Variants in MOB3B observed in about 807,000 individuals in gnomAD.
The protein encoded by MOB3B is MOB kinase activator-like 2B.
A neutral mutation model predicts 18.7 loss-of-function variants in MOB3B; 7 were observed. The observed-to-expected ratio is 0.37, with a 90% confidence interval of 0.21 to 0.70. The LOEUF is 0.70. MOB3B is among the 30% of genes least tolerant of loss of function. The probability of loss-of-function intolerance (pLI) is 0.52; values close to 1 mark genes in which losing one functional copy is unlikely to be tolerated. For missense variants in MOB3B, 253 were observed against 281.3 expected (o/e 0.90, Z 0.72); for synonymous variants, 111 against 99.9 (o/e 1.11, Z -0.66).
At chr9:27,368,553 T>A (rs1214474360) in intron 2 of MOB3B, among the ~76,000 whole-genome samples, 1 of 152,216 alleles carries the variant, frequency 6.6e-6, no homozygotes, top group African/African-American at 2.4e-5. Context: ...AGCAGGACTT[T>A]GTTCCTCTGC....
chr9:27,372,215 A>AGGG (rs1491485843), intron 2 of MOB3B, among the ~76,000 whole-genome samples: 1 of 152,188 alleles, frequency 6.6e-6, no homozygotes, highest in Non-Finnish European at 1.5e-5. Flanking sequence ...ACACAATGAC[A>AGGG]GGGGCGTAGG....
intron 1 of MOB3B, among the ~76,000 whole-genome samples, chr9:27,527,948 C>G (rs545402875): frequency 1.3e-5 from 2 of 152,204 alleles, no homozygotes; most frequent in African/African-American, 4.8e-5. Context: ...ACAAGCGCAC[C>G]CACAGGGGAA....
intron 1 of MOB3B, among the ~76,000 whole-genome samples, chr9:27,481,526 T>G (rs1173627040): frequency 4.8e-5 from 7 of 146,198 alleles, no homozygotes; most frequent in Non-Finnish European, 7.6e-5. Context: ...TTTTGTTTTT[T>G]TTTTTTTTTG....
At chr9:27,528,579 G>T (rs1339577115) in intron 1 of MOB3B, among the ~76,000 whole-genome samples, 1 of 152,268 alleles carries the variant, frequency 6.6e-6, no homozygotes, top group Non-Finnish European at 1.5e-5. Context: ...TCCCAGCTGG[G>T]ATCCCCTGCC....
intron 3 of MOB3B, among the ~76,000 whole-genome samples, chr9:27,351,185 G>A (rs1393175350): frequency 6.6e-6 from 1 of 152,096 alleles, no homozygotes; most frequent in African/African-American, 2.4e-5. Context: ...TTACAGGCGT[G>A]AGCCACCACG....
intron 1 of MOB3B, among the ~76,000 whole-genome samples, chr9:27,526,841 G>A (rs957510305): frequency 3.3e-5 from 5 of 152,128 alleles, no homozygotes; most frequent in African/African-American, 7.2e-5. Context: ...CAGTATGACA[G>A]AAAAGAAAAA....
intron 1 of MOB3B, among the ~76,000 whole-genome samples, chr9:27,478,534 C>A: frequency 6.6e-6 from 1 of 151,416 alleles, no homozygotes; most frequent in African/African-American, 2.4e-5. Context: ...ATATTAGATA[C>A]AGCTGAAAAG....
chr9:27,464,189 T>C (rs1819339845), intron 1 of MOB3B, among the ~76,000 whole-genome samples: 1 of 151,962 alleles, frequency 6.6e-6, no homozygotes, highest in South Asian at 2.1e-4. Flanking sequence ...AAATGTGTGT[T>C]TACGAATAAG....
At chr9:27,424,487 C>T (rs1403259284) in intron 2 of MOB3B, among the ~76,000 whole-genome samples, 2 of 152,188 alleles carry the variant, frequency 1.3e-5, no homozygotes, top group East Asian at 3.8e-4. Context: ...CTTCATTTCT[C>T]ATCTGTTCTT....
chr9:27,484,751 C>T (rs771283564), intron 1 of MOB3B, among the ~76,000 whole-genome samples: 1 of 152,098 alleles, frequency 6.6e-6, no homozygotes, highest in African/African-American at 2.4e-5. Context: ...CCCCGACCCC[C>T]GGCCTCCTCT....
chr9:27,493,455 A>G lies in MOB3B; in HGVS notation c.-199+36100T>C, dbSNP rs139248910. Among the ~76,000 whole-genome samples, 621 of 152,214 alleles carry G rather than the reference A, an allele frequency of 4.1e-3. 5 individuals are homozygous for G. Among genetic ancestry groups the G allele is most frequent in the African/African-American group, 0.014 (593 of 41,534 alleles). On this transcript the variant is annotated intron_variant, in intron 1 of 3. Coordinates refer to ENST00000262244, the MANE Select transcript of MOB3B (RefSeq NM_024761.5). ...GAAGATCGAGACCATCCTGGCTAAC[A>G]TGGTGAAACCCTGTCTCTACTAAAA... is the stretch of plus-strand genomic sequence containing the variant.
At chr9:27,340,371 T>G (rs1455249136) in intron 3 of MOB3B, among the ~76,000 whole-genome samples, 1 of 152,166 alleles carries the variant, frequency 6.6e-6, no homozygotes, top group African/African-American at 2.4e-5. Context: ...TAAGTCACTT[T>G]ATGTAAACAT....
intron 2 of MOB3B, among the ~76,000 whole-genome samples, chr9:27,360,992 G>T (rs1821267086): frequency 6.6e-6 from 1 of 152,110 alleles, no homozygotes; most frequent in Non-Finnish European, 1.5e-5. Context: ...CTGCAGAACT[G>T]CTGTTGCCAC....
At chr9:27,336,941 G>C (rs1056220699) in intron 3 of MOB3B, among the ~76,000 whole-genome samples, 1 of 152,296 alleles carries the variant, frequency 6.6e-6, no homozygotes, top group African/African-American at 2.4e-5. Flanking sequence ...CGAGTCCCCC[G>C]GAAAAGGCCG....
chr9:27,444,648 T>C (rs184040082), intron 2 of MOB3B, among the ~76,000 whole-genome samples: 10 of 152,322 alleles, frequency 6.6e-5, no homozygotes. Context: ...TTTCATCAAA[T>C]GCAGCTTAAA....
chr9:27,355,329 C>T (rs1227169072), intron 3 of MOB3B, among the ~76,000 whole-genome samples: 2 of 152,138 alleles, frequency 1.3e-5, no homozygotes, highest in South Asian at 2.1e-4. Flanking sequence ...AATGTCCCAC[C>T]GGTGGCGTGG....
intron 2 of MOB3B, among the ~76,000 whole-genome samples, chr9:27,409,032 T>C (rs1822025926): frequency 6.6e-6 from 1 of 152,192 alleles, no homozygotes; most frequent in African/African-American, 2.4e-5. Context: ...GTGGGTGGTA[T>C]TGCATATAAT....
intron 1 of MOB3B, among the ~76,000 whole-genome samples, chr9:27,521,872 T>C (rs937507267): frequency 2.6e-5 from 4 of 152,200 alleles, no homozygotes; most frequent in Admixed American, 2.6e-4. Flanking sequence ...TAAAATAGTA[T>C]TGATCCCATT....
intron 3 of MOB3B, among the ~76,000 whole-genome samples, chr9:27,335,728 G>A (rs1350075778): frequency 6.6e-6 from 1 of 152,018 alleles, no homozygotes; most frequent in Non-Finnish European, 1.5e-5. Context: ...TAACGCTCTT[G>A]ACCAGTTGTC....
Sources: gnomAD v4.1 joint callset for allele counts (sites outside exome capture counted in the v4.1 genomes callset) on GRCh38, gnomAD v4.1.1 for gene constraint, MANE v1.5 for transcripts, NCBI Gene and HGNC (gene_info 2026-07-23, HGNC 2026-07-21) for gene names.